CHRM3: variants seen among roughly 807,000 people sequenced by gnomAD.
CHRM3 encodes the protein cholinergic receptor muscarinic 3, also known as muscarinic acetylcholine receptor M3.
CHRM3 carries 11 observed loss-of-function variants against 41.8 expected under a neutral mutation model. That is an observed-to-expected ratio of 0.26 (90% CI 0.17 to 0.44). The LOEUF (loss-of-function observed/expected upper bound fraction) is 0.44, where lower values mean the gene tolerates loss of function less well. Ranked by LOEUF, CHRM3 falls within the 20% of genes least tolerant of loss-of-function variation. CHRM3 has a pLI of 1.00. For missense variants in CHRM3, 571 were observed against 745.4 expected (o/e 0.77, Z 2.72); for synonymous variants, 297 against 301.4 (o/e 0.99, Z 0.15).
intron 6 of CHRM3, among the ~76,000 whole-genome samples, chr1:239,829,750 G>A (rs552953379): frequency 1.6e-4 from 24 of 152,198 alleles, no homozygotes; most frequent in African/African-American, 5.5e-4. Flanking sequence ...GTGACCTTGG[G>A]AAAATTACTC....
At chr1:239,692,161 G>T (rs186153704) in intron 5 of CHRM3, among the ~76,000 whole-genome samples, 2 of 152,270 alleles carry the variant, frequency 1.3e-5, no homozygotes, top group East Asian at 3.9e-4. Context: ...GTCAGGCTGG[G>T]AGATACATTT....
At position 239,912,722 on chromosome 1, in the gene CHRM3, G is replaced by A. The variant is rs1478621111; in HGVS notation, c.*3498G>A. ...GCACAGAGAAGGATTCCAGGGATCA[G>A]TCAGGGTGTCCTGTACCTATCTGAG... On this transcript the variant is annotated 3_prime_UTR_variant, in exon 7 of 7. Coordinates refer to ENST00000676153, the MANE Select transcript of CHRM3 (RefSeq NM_001375978.1). 10 of 167,312 alleles carry A rather than the reference G, an allele frequency of 6.0e-5. No homozygotes were observed. The highest frequency in any genetic ancestry group is 1.0e-4 in the Non-Finnish European group (7 of 68,186). The allele number at this position is 167,312 out of a possible 1,614,324, so 10.4% of individuals were successfully genotyped here.
At chr1:239,795,874 A>G (rs188061790) in intron 5 of CHRM3, among the ~76,000 whole-genome samples, 3 of 152,316 alleles carry the variant, frequency 2.0e-5, no homozygotes, top group African/African-American at 7.2e-5. Context: ...GACCTGACCA[A>G]TTCATCTTAG....
chr1:239,596,848 C>T (rs1489656764), intron 3 of CHRM3, among the ~76,000 whole-genome samples: 1 of 151,988 alleles, frequency 6.6e-6, no homozygotes, highest in Non-Finnish European at 1.5e-5. Context: ...TATATATAAT[C>T]TTTTAAATGC....
chr1:239,451,726 A>G (rs903050264), intron 1 of CHRM3, among the ~76,000 whole-genome samples: 11 of 152,210 alleles, frequency 7.2e-5, no homozygotes, highest in Non-Finnish European at 1.6e-4. Context: ...GGATGGGAAG[A>G]AATTTATAAA....
At chr1:239,898,610 A>G (rs1020539830) in intron 6 of CHRM3, among the ~76,000 whole-genome samples, 1 of 152,234 alleles carries the variant, frequency 6.6e-6, no homozygotes, top group Non-Finnish European at 1.5e-5. Context: ...TAGACGTAGA[A>G]TTAATTTAGA....
chr1:239,896,898 G>A (rs554824118), intron 6 of CHRM3, among the ~76,000 whole-genome samples: 1 of 152,210 alleles, frequency 6.6e-6, no homozygotes, highest in South Asian at 2.1e-4. Context: ...CTCTTGTTAG[G>A]CATGAAAAAG....
intron 1 of CHRM3, among the ~76,000 whole-genome samples, chr1:239,403,092 C>T (rs1660118422): frequency 6.6e-6 from 1 of 152,150 alleles, no homozygotes; most frequent in Non-Finnish European, 1.5e-5. Flanking sequence ...ATAACATTTA[C>T]CATACTTATC....
chr1:239,488,524 G>C (rs1262542947), intron 1 of CHRM3, among the ~76,000 whole-genome samples: 1 of 151,746 alleles, frequency 6.6e-6, no homozygotes, highest in East Asian at 1.9e-4. Flanking sequence ...GACCATCCTG[G>C]CTAACAAAGT....
intron 5 of CHRM3, among the ~76,000 whole-genome samples, chr1:239,775,350 G>GTCTGTGAAAAATGTTCAAGATTC (rs1668009112): frequency 6.6e-6 from 1 of 152,150 alleles, no homozygotes; most frequent in Non-Finnish European, 1.5e-5. Context: ...GTACAAGATT[G>GTCTGTGAAAAATGTTCAAGATTC]TCTGTGAAAA....
At chr1:239,685,547 G>T (rs1434237712) in intron 5 of CHRM3, among the ~76,000 whole-genome samples, 2 of 152,128 alleles carry the variant, frequency 1.3e-5, no homozygotes, top group African/African-American at 4.8e-5. Context: ...TCTGGACCAG[G>T]TGCAGTGGCT....
At chr1:239,489,775 ATTCATG>A (rs1214392382) in intron 1 of CHRM3, among the ~76,000 whole-genome samples, 1 of 152,188 alleles carries the variant, frequency 6.6e-6, no homozygotes, top group Non-Finnish European at 1.5e-5. Flanking sequence ...TGTACAATGT[ATTCATG>A]TTCTGATACA....
At chr1:239,552,977 G>T (rs368100785) in intron 3 of CHRM3, among the ~76,000 whole-genome samples, 5 of 151,898 alleles carry the variant, frequency 3.3e-5, no homozygotes, top group African/African-American at 1.2e-4. Context: ...AACAATAATG[G>T]CCACCATACC....
intron 6 of CHRM3, among the ~76,000 whole-genome samples, chr1:239,827,997 CAT>C (rs1407038170): frequency 6.6e-6 from 1 of 152,152 alleles, no homozygotes; most frequent in Non-Finnish European, 1.5e-5. Flanking sequence ...TATCTGTTAT[CAT>C]AAATTATTCA....
chr1:239,881,679 A>G (rs188260528), intron 6 of CHRM3, among the ~76,000 whole-genome samples: 2 of 152,286 alleles, frequency 1.3e-5, no homozygotes, highest in East Asian at 3.9e-4. Flanking sequence ...CCTTTGAATA[A>G]CTATTTAAAG....
intron 5 of CHRM3, among the ~76,000 whole-genome samples, chr1:239,757,425 T>C (rs1038921137): frequency 3.9e-5 from 6 of 151,972 alleles, no homozygotes; most frequent in African/African-American, 1.4e-4. Flanking sequence ...GGTCAGGAGA[T>C]CGAGACCATC....
chr1:239,747,574 A>G (rs376111731), intron 5 of CHRM3, among the ~76,000 whole-genome samples: 38 of 152,160 alleles, frequency 2.5e-4, no homozygotes, highest in East Asian at 1.5e-3. Flanking sequence ...CTCTTTCCCT[A>G]TCAAATCCCT....
At chr1:239,435,786 CT>C (rs1309828971) in intron 1 of CHRM3, among the ~76,000 whole-genome samples, 3 of 151,990 alleles carry the variant, frequency 2.0e-5, no homozygotes, top group Non-Finnish European at 4.4e-5. Flanking sequence ...TTACACCATT[CT>C]TTTTTCTTTT....
At chr1:239,669,344 T>C (rs1674132767) in intron 4 of CHRM3, among the ~76,000 whole-genome samples, 1 of 152,226 alleles carries the variant, frequency 6.6e-6, no homozygotes. Flanking sequence ...GGACAAGTTG[T>C]TATTCACCCA....
Sources: allele counts gnomAD v4.1 joint callset (sites outside exome capture counted in the v4.1 genomes callset), GRCh38; gene constraint gnomAD v4.1.1; transcripts MANE v1.5; gene names NCBI Gene and HGNC (gene_info 2026-07-23, HGNC 2026-07-21).